CCDC82: variants seen among roughly 807,000 people sequenced by gnomAD.
CCDC82 encodes coiled-coil domain-containing protein 82.
In CCDC82, 47 loss-of-function variants were observed where a neutral mutation model predicts 60.6. That is an observed-to-expected ratio of 0.77 (90% CI 0.61 to 0.99). The LOEUF (loss-of-function observed/expected upper bound fraction) is 0.99, where lower values mean the gene tolerates loss of function less well. CCDC82 is among the 50% of genes least tolerant of loss of function. The pLI is 0.00. For synonymous variants in CCDC82, 212 were observed against 207.4 expected (o/e 1.02, Z -0.19); for missense variants, 588 against 633.0 (o/e 0.93, Z 0.76).
chr11:96,357,536 T>C (rs1379423321), intron 9 of CCDC82: 1 of 985,404 alleles, frequency 1.0e-6, no homozygotes, highest in Admixed American at 6.1e-5. Flanking sequence ...GTCCTAAACC[T>C]TGTTAAGCTT....
At chr11:96,364,794 GT>G (rs1167510122) in intron 8 of CCDC82, 185 bp downstream of exon 8, 1 of 522,544 alleles carries the variant, frequency 1.9e-6, no homozygotes, top group Admixed American at 3.7e-5. Context: ...GAAGCACAGT[GT>G]TTTTTGAATT....
intron 5 of CCDC82, chr11:96,381,669 T>C (rs1459443915): frequency 2.0e-5 from 3 of 151,764 alleles, no homozygotes; most frequent in Admixed American, 2.0e-4. Context: ...TATTTTCATG[T>C]AAGTAACGTC....
At chr11:96,379,348 G>A (rs1431720888) in intron 5 of CCDC82, among the ~76,000 whole-genome samples, 1 of 151,706 alleles carries the variant, frequency 6.6e-6, no homozygotes, top group African/African-American at 2.4e-5. Context: ...TCTAGAATAT[G>A]TGAATTTTTT....
chr11:96,357,841 GC>G, intron 9 of CCDC82: 1 of 985,372 alleles, frequency 1.0e-6, no homozygotes, highest in Non-Finnish European at 1.2e-6. Context: ...GTACGGATAA[GC>G]AGGGAGAAGC....
chr11:96,372,749 T>C (rs1472507450), intron 6 of CCDC82, among the ~76,000 whole-genome samples: 5 of 146,370 alleles, frequency 3.4e-5, no homozygotes, highest in Non-Finnish European at 6.0e-5. Context: ...AATATACGTA[T>C]ATTTATATAT....
Position 96,383,303 on chromosome 11 carries a change from T to C in CCDC82, c.957A>G (p.Thr319=), listed in dbSNP as rs1400762707. ...TCTGTTTTACTAATTTCAGTTGTGA[T>C]GTAGTCAATTTTTCTCCTTGTTGGT... ...NKNQQGEKLT[T]SQLKLVKQNS... is the part of the protein sequence containing the mutation. The change falls in exon 5 of 10, where the codon ACA becomes ACG. Residue 319 remains threonine, a synonymous_variant. Coordinates refer to ENST00000646818, the MANE Select transcript of CCDC82 (RefSeq NM_024725.4). 4 of 1,602,498 alleles carry C rather than the reference T, an allele frequency of 2.5e-6. No homozygotes were observed. In the East Asian group the frequency reaches 6.7e-5, roughly 27 times the overall value.
chr11:96,357,052 CT>C (rs1864384119), intron 9 of CCDC82: 3 of 985,258 alleles, frequency 3.0e-6, no homozygotes, highest in Non-Finnish European at 3.6e-6. Flanking sequence ...GTAACTGTGA[CT>C]ACCAGACTGT....
chr11:96,364,141 C>T (rs7946545), intron 8 of CCDC82: 1 of 152,028 alleles, frequency 6.6e-6, no homozygotes, highest in South Asian at 2.1e-4. Context: ...CCCTAATGTA[C>T]GAAATCACTT....
In CCDC82 at chr11:96,353,046, T is replaced by C. The variant is rs180811304; in HGVS notation, c.*600A>G. 1.4e-4 allele frequency: 22 copies of C among 152,196 alleles called. No homozygotes were observed. The highest frequency in any genetic ancestry group is 4.6e-4 in the African/African-American group (19 of 41,544). 9.4% of individuals were successfully genotyped at this position (152,196 alleles called of 1,614,324 possible). On this transcript the variant is annotated 3_prime_UTR_variant, in exon 10 of 10. Coordinates refer to ENST00000646818, the MANE Select transcript of CCDC82 (RefSeq NM_024725.4). ...ATAAAATTATTCCTGAATGTGAGGGTTGAAAGACTCTAGAGGCCTGAAATC... is the reference window on the plus strand; with the variant it reads ...ATAAAATTATTCCTGAATGTGAGGGCTGAAAGACTCTAGAGGCCTGAAATC...
intron 5 of CCDC82, among the ~76,000 whole-genome samples, chr11:96,377,684 T>A (rs1035377363): frequency 8.5e-5 from 13 of 152,122 alleles, no homozygotes; most frequent in Middle Eastern, 3.2e-3. Flanking sequence ...ATTAATGTGA[T>A]ATATTAATGT....
chr11:96,379,000 A>G (rs909666901), intron 5 of CCDC82, among the ~76,000 whole-genome samples: 2 of 152,014 alleles, frequency 1.3e-5, no homozygotes, highest in African/African-American at 2.4e-5. Flanking sequence ...AGGCAAGTAC[A>G]TGGACTACTG....
intron 5 of CCDC82, chr11:96,381,340 T>C (rs774420730): frequency 1.3e-5 from 2 of 151,776 alleles, no homozygotes; most frequent in South Asian, 2.1e-4. Flanking sequence ...ACTTGCAGTG[T>C]AGAGATAACT....
chr11:96,368,373 C>T (rs1006486301), intron 7 of CCDC82, among the ~76,000 whole-genome samples: 1 of 152,070 alleles, frequency 6.6e-6, no homozygotes, highest in East Asian at 1.9e-4. Context: ...GATGTGCTAT[C>T]ATTCAGGTTT....
At chr11:96,367,721 A>C (rs903643799) in intron 7 of CCDC82, among the ~76,000 whole-genome samples, 5 of 152,178 alleles carry the variant, frequency 3.3e-5, no homozygotes, top group Admixed American at 6.5e-5. Context: ...GATGGCATCT[A>C]GAATGGTGAA....
chr11:96,380,688 A>G (rs1379735894), intron 5 of CCDC82: 1 of 151,868 alleles, frequency 6.6e-6, no homozygotes, highest in South Asian at 2.1e-4. Flanking sequence ...ACATTTAGAC[A>G]TGGAGGAAAC....
chr11:96,357,087 A>T (rs1864386514), intron 9 of CCDC82: 1 of 985,326 alleles, frequency 1.0e-6, no homozygotes, highest in Non-Finnish European at 1.2e-6. Flanking sequence ...ACACATCACA[A>T]AGTACATGCA....
At chr11:96,357,453 C>A (rs1048541656) in intron 9 of CCDC82, 3 of 985,062 alleles carry the variant, frequency 3.0e-6, no homozygotes, top group Non-Finnish European at 3.6e-6. Flanking sequence ...AAGCTCCTTT[C>A]TTTTCCTAAG....
intron 4 of CCDC82, 117 bp from the exon 5 acceptor site, chr11:96,383,590 T>C: frequency 1.6e-6 from 1 of 627,496 alleles, no homozygotes; most frequent in Non-Finnish European, 2.6e-6. Context: ...ATTAACTTCA[T>C]ATTTTAAAGT....
intron 5 of CCDC82, among the ~76,000 whole-genome samples, chr11:96,375,276 G>A (rs1307058781): frequency 6.6e-6 from 1 of 152,110 alleles, no homozygotes; most frequent in Non-Finnish European, 1.5e-5. Flanking sequence ...CTACTCATTT[G>A]CTATAGAGTC....
Sources: gnomAD v4.1 joint callset for allele counts (sites outside exome capture counted in the v4.1 genomes callset) on GRCh38, gnomAD v4.1.1 for gene constraint, MANE v1.5 for transcripts, NCBI Gene and HGNC (gene_info 2026-07-23, HGNC 2026-07-21) for gene names.